The following MYO6 variants were observed in gnomAD, a reference collection of about 807,000 sequenced individuals.
MYO6 encodes the protein unconventional myosin-VI.
A neutral mutation model predicts 178.7 loss-of-function variants in MYO6; 74 were observed. That is an observed-to-expected ratio of 0.41 (90% CI 0.34 to 0.50). MYO6 has a LOEUF of 0.50. Ranked by LOEUF, MYO6 falls within the 20% of genes least tolerant of loss-of-function variation. The pLI is 0.09. For missense variants in MYO6, 1,330 were observed against 1,547.4 expected, an observed-to-expected ratio of 0.86 and a Z score of 2.36; for synonymous variants, 477 against 504.6, an observed-to-expected ratio of 0.95 and a Z score of 0.73.
intron 11 of MYO6, among the ~76,000 whole-genome samples, chr6:75,854,404 T>G (rs1583280735): frequency 6.6e-6 from 1 of 150,942 alleles, no homozygotes; most frequent in East Asian, 2.0e-4. Flanking sequence ...GAGGAAGCAT[T>G]TGTACTGATC....
chr6:75,817,771 A>C, intron 2 of MYO6, 107 bp downstream of exon 2: 1 of 993,874 alleles, frequency 1.0e-6, no homozygotes, highest in Admixed American at 1.9e-5. Context: ...TTGGGAAAGC[A>C]TATTTCTGGT....
At chr6:75,793,607 G>GA (rs924837020) in intron 1 of MYO6, among the ~76,000 whole-genome samples, 5 of 149,516 alleles carry the variant, frequency 3.3e-5, no homozygotes, top group Admixed American at 2.0e-4. Flanking sequence ...CAAAAAAAAA[G>GA]AAAAAAAAAT....
At chr6:75,805,029 T>A (rs1341613354) in intron 1 of MYO6, among the ~76,000 whole-genome samples, 14 of 103,776 alleles carry the variant, frequency 1.3e-4, no homozygotes, top group African/African-American at 1.8e-4. Context: ...ATATTTTTTT[T>A]TTTTTTTTTT....
rs1353021641 is a variant in MYO6, at chr6:75,886,706, A to G, written c.2508-138A>G. The stretch of plus-strand genomic sequence containing the variant: ...CATATTTGATTTTTTTTAGCCTTCA[A>G]CAAGAGATCTGAAAAAGAGAATAGT... On this transcript the variant is annotated intron_variant, in intron 24 of 34. Coordinates refer to ENST00000369977, the MANE Select transcript of MYO6 (RefSeq NM_004999.4). 1.7e-5 allele frequency: 14 copies of G among 842,996 alleles called. No individual in the cohort carries two copies. In the South Asian group the frequency reaches 2.0e-4, roughly 12 times the overall value. The allele number at this position is 842,996 out of a possible 1,614,324, so 52.2% of individuals were successfully genotyped here.
At chr6:75,876,357 T>C (rs916612442) in intron 20 of MYO6, among the ~76,000 whole-genome samples, 4 of 152,194 alleles carry the variant, frequency 2.6e-5, no homozygotes, top group African/African-American at 9.7e-5. Context: ...CCTATTTCCC[T>C]GGCATATACT....
At chr6:75,750,051 C>CA (rs1776716086) in intron 1 of MYO6, among the ~76,000 whole-genome samples, 1 of 151,660 alleles carries the variant, frequency 6.6e-6, no homozygotes, top group African/African-American at 2.4e-5. Context: ...ATTGCTAGAA[C>CA]ATCCGTGTTT....
At chr6:75,758,061 T>G (rs1054910816) in intron 1 of MYO6, among the ~76,000 whole-genome samples, 1 of 141,074 alleles carries the variant, frequency 7.1e-6, no homozygotes, top group Admixed American at 8.3e-5. Context: ...CACCACACCT[T>G]CTGCCTCCCA....
intron 1 of MYO6, among the ~76,000 whole-genome samples, chr6:75,773,018 A>T (rs1766036074): frequency 6.6e-6 from 1 of 152,222 alleles, no homozygotes. Flanking sequence ...TGTTTCTGAT[A>T]GTCAAAAAAA....
intron 1 of MYO6, among the ~76,000 whole-genome samples, chr6:75,806,223 A>G (rs1168401248): frequency 3.3e-5 from 5 of 152,064 alleles, no homozygotes; most frequent in Non-Finnish European, 7.4e-5. Context: ...CTTCTCTACT[A>G]AAAATACAAA....
At chr6:75,858,059 AATT>A (rs5877462) in intron 13 of MYO6, among the ~76,000 whole-genome samples, 3,612 of 151,010 alleles carry the variant, frequency 0.024, 49 homozygotes, top group South Asian at 0.031. Context: ...AAAGGTAGAG[AATT>A]ATTATTATTA....
At chr6:75,855,051 G>T in intron 11 of MYO6, 88 bp from the exon 12 acceptor site, 1 of 1,202,596 alleles carries the variant, frequency 8.3e-7, no homozygotes, top group Non-Finnish European at 1.2e-6. Context: ...ATGGTTTTTT[G>T]TAAGTGAAGT....
chr6:75,880,321 T>C (rs990242857), intron 22 of MYO6, among the ~76,000 whole-genome samples: 2 of 152,348 alleles, frequency 1.3e-5, no homozygotes. Context: ...GTTCATAATT[T>C]GTTTAGCTTT....
rs184099248 is a variant in MYO6 at position 75,915,887 on chromosome 6, C to T, written c.*875C>T. 4.8e-3 allele frequency: 729 copies of T among 152,628 alleles called. 6 individuals carry two copies. The highest frequency in any genetic ancestry group is 0.045 in the South Asian group (216 of 4,822). 9.5% of individuals were successfully genotyped at this position (152,628 alleles called of 1,614,324 possible). A position where few individuals can be genotyped will look rare whatever the true frequency, so the allele number is the denominator to read the frequency against. ...AGTGATTTTTGTATCAGAATCTTGT[C>T]CAAGTTGTTTCATTGATTTAGTAAG... On this transcript the variant is annotated 3_prime_UTR_variant, in exon 35 of 35. Coordinates refer to ENST00000369977, the MANE Select transcript of MYO6 (RefSeq NM_004999.4).
chr6:75,844,097 A>G (rs1290738085), intron 9 of MYO6, among the ~76,000 whole-genome samples: 3 of 152,148 alleles, frequency 2.0e-5, no homozygotes, highest in African/African-American at 7.2e-5. Flanking sequence ...ATTTTCAGAA[A>G]AATGCAGTAC....
intron 18 of MYO6, among the ~76,000 whole-genome samples, chr6:75,868,321 A>C (rs946612719): frequency 2.0e-5 from 3 of 151,764 alleles, no homozygotes; most frequent in African/African-American, 7.2e-5. Context: ...TTTTTATTTG[A>C]GTATTCTTCT....
chr6:75,778,182 T>G (rs1329203009), intron 1 of MYO6, among the ~76,000 whole-genome samples: 1 of 152,208 alleles, frequency 6.6e-6, no homozygotes, highest in East Asian at 1.9e-4. Context: ...GTCTTCTATA[T>G]TTTATGGTTT....
chr6:75,788,992 T>C (rs1352912739), intron 1 of MYO6, among the ~76,000 whole-genome samples: 3 of 152,226 alleles, frequency 2.0e-5, no homozygotes, highest in African/African-American at 7.2e-5. Context: ...TGTAACTTCT[T>C]CACAAAACCC....
chr6:75,895,267 C>G lies in MYO6; in HGVS notation c.3137+7C>G. 6.2e-7 allele frequency: 1 copy of G among 1,603,310 alleles called. No homozygotes were observed. The highest frequency in any genetic ancestry group is 8.5e-7 in the Non-Finnish European group (1 of 1,171,048). On this transcript the variant is annotated splice_region_variant and intron_variant, in intron 29 of 34. Transcript: ENST00000369977. ...CAAGACCCAAAATGACACCGTATGT[C>G]ACTTACCTTTACCTTTTTAAAAATA...
chr6:75,800,794 C>T (rs1562177013), intron 1 of MYO6, among the ~76,000 whole-genome samples: 1 of 152,146 alleles, frequency 6.6e-6, no homozygotes, highest in East Asian at 1.9e-4. Flanking sequence ...AATCTTGACT[C>T]ACTACAATCT....
Sources: allele counts gnomAD v4.1 joint callset (sites outside exome capture counted in the v4.1 genomes callset), GRCh38; gene constraint gnomAD v4.1.1; transcripts MANE v1.5; gene names NCBI Gene and HGNC (gene_info 2026-07-23, HGNC 2026-07-21).